CACNA2D3: variants seen among roughly 807,000 people sequenced by gnomAD.
CACNA2D3 encodes the protein voltage-dependent calcium channel subunit alpha-2/delta-3.
A neutral mutation model predicts 160.6 loss-of-function variants in CACNA2D3; 60 were observed. That is an observed-to-expected ratio of 0.37 (90% CI 0.30 to 0.46). The LOEUF (loss-of-function observed/expected upper bound fraction) is 0.46, where lower values mean the gene tolerates loss of function less well. Ranked by LOEUF, CACNA2D3 falls within the 20% of genes least tolerant of loss-of-function variation. The pLI, the probability that CACNA2D3 is intolerant of heterozygous loss-of-function variation, is 1.00. For missense variants in CACNA2D3, 1,205 were observed against 1,365.0 expected (o/e 0.88, Z 1.85); for synonymous variants, 558 against 492.9 (o/e 1.13, Z -1.75).
At chr3:54,374,440 G>A (rs772617564) in intron 3 of CACNA2D3, among the ~76,000 whole-genome samples, 8 of 152,256 alleles carry the variant, frequency 5.3e-5, no homozygotes, top group Non-Finnish European at 1.0e-4. Context: ...CAGCCCTACC[G>A]TAGAAGACAC....
intron 2 of CACNA2D3, among the ~76,000 whole-genome samples, chr3:54,239,928 C>T (rs1044003285): frequency 6.6e-6 from 1 of 152,186 alleles, no homozygotes; most frequent in Non-Finnish European, 1.5e-5. Context: ...TTACACTAGG[C>T]TAGACACTTG....
intron 24 of CACNA2D3, among the ~76,000 whole-genome samples, chr3:54,889,780 C>T (rs1010429293): frequency 6.6e-6 from 1 of 152,208 alleles, no homozygotes; most frequent in Non-Finnish European, 1.5e-5. Flanking sequence ...TCCTGGGAAG[C>T]TGGCAACGAA....
At chr3:54,543,198 C>G (rs924249830) in intron 5 of CACNA2D3, among the ~76,000 whole-genome samples, 2 of 152,188 alleles carry the variant, frequency 1.3e-5, no homozygotes, top group African/African-American at 2.4e-5. Context: ...TGTTACAGAT[C>G]AGAGCGATAT....
intron 3 of CACNA2D3, among the ~76,000 whole-genome samples, chr3:54,368,112 A>G (rs1435737628): frequency 3.3e-5 from 5 of 152,218 alleles, no homozygotes; most frequent in Non-Finnish European, 7.3e-5. Context: ...ATTGGAATAC[A>G]TAGCTTGTTT....
chr3:54,633,721 G>A (rs1232563859), intron 10 of CACNA2D3: 2 of 152,260 alleles, frequency 1.3e-5, no homozygotes, highest in Non-Finnish European at 2.9e-5. Flanking sequence ...GGCTGTCTCA[G>A]TAGTACCTAC....
At chr3:54,724,378 G>C (rs1005354355) in intron 11 of CACNA2D3, among the ~76,000 whole-genome samples, 2 of 152,080 alleles carry the variant, frequency 1.3e-5, no homozygotes, top group African/African-American at 4.8e-5. Context: ...AAATTAACAA[G>C]GATATTCAGG....
At chr3:54,825,827 T>A (rs2106735266) in intron 14 of CACNA2D3, among the ~76,000 whole-genome samples, 1 of 152,330 alleles carries the variant, frequency 6.6e-6, no homozygotes, top group African/African-American at 2.4e-5. Context: ...ATGAAGTCTA[T>A]ATCAAATCAA....
chr3:54,391,315 A>G (rs915325207), intron 4 of CACNA2D3, among the ~76,000 whole-genome samples: 2 of 152,162 alleles, frequency 1.3e-5, no homozygotes, highest in African/African-American at 4.8e-5. Flanking sequence ...TATGGCTTGG[A>G]CATCTACAGC....
intron 2 of CACNA2D3, among the ~76,000 whole-genome samples, chr3:54,252,369 A>G (rs1172260540): frequency 6.6e-6 from 1 of 152,108 alleles, no homozygotes; most frequent in Admixed American, 6.6e-5. Flanking sequence ...ATATGATAGG[A>G]GCATGGGATC....
chr3:54,701,802 G>C lies in CACNA2D3; in HGVS notation c.1168-50797G>C, dbSNP rs542574899. On this transcript the variant is annotated intron_variant, in intron 11 of 37. Coordinates refer to ENST00000474759, the MANE Select transcript of CACNA2D3 (RefSeq NM_018398.3). ...TGAATAGCCAAAGCAATCTTAAGCC[G>C]AAAGAATAAAGCCCGAGACATCACA... 3.7e-4 allele frequency among the ~76,000 whole-genome samples: 57 copies of C among 152,142 alleles called. 1 individual carries two copies. The highest frequency in any genetic ancestry group is 3.7e-3 in the Admixed American group (57 of 15,268).
chr3:55,065,495 T>C (rs1175334051), intron 35 of CACNA2D3, among the ~76,000 whole-genome samples: 1 of 152,104 alleles, frequency 6.6e-6, no homozygotes, highest in Non-Finnish European at 1.5e-5. Context: ...TGCAAAGAGG[T>C]ATTTCCTTCC....
chr3:54,285,599 C>A (rs1347329939), intron 2 of CACNA2D3, among the ~76,000 whole-genome samples: 1 of 152,222 alleles, frequency 6.6e-6, no homozygotes, highest in African/African-American at 2.4e-5. Flanking sequence ...TCCCAGCACA[C>A]AGCTGGAGAT....
chr3:54,459,265 A>T (rs931644380), intron 4 of CACNA2D3, among the ~76,000 whole-genome samples: 1 of 150,940 alleles, frequency 6.6e-6, no homozygotes, highest in Non-Finnish European at 1.5e-5. Flanking sequence ...AGCATGATTT[A>T]TAGTCCTTTG....
intron 11 of CACNA2D3, among the ~76,000 whole-genome samples, chr3:54,701,647 T>C (rs985020721): frequency 4.6e-5 from 7 of 152,144 alleles, no homozygotes; most frequent in African/African-American, 1.7e-4. Context: ...GAAGAATCAA[T>C]GTTGTTAAAA....
At chr3:54,548,360 A>G (rs1702098724) in intron 5 of CACNA2D3, among the ~76,000 whole-genome samples, 1 of 152,226 alleles carries the variant, frequency 6.6e-6, no homozygotes, top group Admixed American at 6.5e-5. Flanking sequence ...CATAACTGCT[A>G]AAATCTTTAA....
intron 31 of CACNA2D3, among the ~76,000 whole-genome samples, chr3:54,993,920 G>T (rs1453085073): frequency 7.5e-6 from 1 of 133,016 alleles, no homozygotes; most frequent in Non-Finnish European, 1.6e-5. Context: ...GTGTGTGTGT[G>T]TTTTGTGTGT....
chr3:54,363,783 G>C (rs1390557976), intron 3 of CACNA2D3, among the ~76,000 whole-genome samples: 1 of 152,216 alleles, frequency 6.6e-6, no homozygotes, highest in Non-Finnish European at 1.5e-5. Flanking sequence ...GGATGGTGAA[G>C]TAACAGAGGT....
chr3:55,013,550 A>T (rs980983341), intron 34 of CACNA2D3, among the ~76,000 whole-genome samples: 1 of 152,204 alleles, frequency 6.6e-6, no homozygotes, highest in African/African-American at 2.4e-5. Context: ...TTGGCTTGCA[A>T]GGTTTCTTCA....
At chr3:54,819,183 G>A (rs1177849931) in intron 14 of CACNA2D3, among the ~76,000 whole-genome samples, 2 of 152,152 alleles carry the variant, frequency 1.3e-5, no homozygotes, top group Non-Finnish European at 2.9e-5. Context: ...AAGGAATGTG[G>A]TGGTTCCATT....
Sources: gnomAD v4.1 joint callset for allele counts (sites outside exome capture counted in the v4.1 genomes callset) on GRCh38, gnomAD v4.1.1 for gene constraint, MANE v1.5 for transcripts, NCBI Gene and HGNC (gene_info 2026-07-23, HGNC 2026-07-21) for gene names.